Variants in ADGRD1 observed in about 807,000 individuals in gnomAD.
The protein encoded by ADGRD1 is adhesion G protein-coupled receptor D1.
A neutral mutation model predicts 113.4 loss-of-function variants in ADGRD1; 77 were observed. The ratio of observed to expected loss-of-function variants is 0.68; its 90% CI spans 0.57 to 0.82. ADGRD1 has a LOEUF of 0.82. ADGRD1 is among the 40% of genes least tolerant of loss of function. ADGRD1 has a pLI of 0.00. For missense variants in ADGRD1, 1,036 were observed against 1,139.1 expected (o/e 0.91, Z 1.30); for synonymous variants, 474 against 475.0 (o/e 1.00, Z 0.03).
At chr12:131,080,477 A>G (rs1291118109) in intron 14 of ADGRD1, among the ~76,000 whole-genome samples, 1 of 152,214 alleles carries the variant, frequency 6.6e-6, no homozygotes, top group African/African-American at 2.4e-5. Flanking sequence ...TGTCAATTAC[A>G]CCAAGTCGAT....
chr12:130,982,053 C>T lies in ADGRD1; in HGVS notation c.480C>T (p.Phe160=). ...ATTCCATGACATGGGAGGCCTCCTT[C>T]AGCCCCCCAGGTGAGTGACAGCATC... is the stretch of plus-strand genomic sequence containing the variant. ...RDNSMTWEAS[F]SPPGPYWTHV... The change falls in exon 5 of 25, where the codon TTC becomes TTT. Residue 160 remains phenylalanine, a synonymous_variant. Transcript: ENST00000261654. The T allele has an allele frequency of 1.2e-6, 2 of 1,613,302 alleles. No individual in the cohort carries two copies. Among genetic ancestry groups the T allele is most frequent in the South Asian group, 2.2e-5 (2 of 91,036 alleles).
chr12:130,961,154 C>T (rs959460600), intron 2 of ADGRD1, among the ~76,000 whole-genome samples: 1 of 151,986 alleles, frequency 6.6e-6, no homozygotes, highest in African/African-American at 2.4e-5. Flanking sequence ...TCCCTGAACG[C>T]ACACAAGGAG....
At chr12:130,978,262 T>C (rs1229294385) in intron 4 of ADGRD1, 1 of 152,056 alleles carries the variant, frequency 6.6e-6, no homozygotes, top group Non-Finnish European at 1.5e-5. Flanking sequence ...GTTACGGTAA[T>C]TTTTTTTGCC....
intron 4 of ADGRD1, among the ~76,000 whole-genome samples, chr12:130,980,307 T>C (rs925390487): frequency 2.6e-5 from 4 of 151,686 alleles, no homozygotes; most frequent in African/African-American, 9.7e-5. Flanking sequence ...GGTTTCACCA[T>C]GTTAGTAAAG....
intron 8 of ADGRD1, among the ~76,000 whole-genome samples, chr12:131,000,144 C>T (rs540407336): frequency 1.3e-5 from 2 of 152,320 alleles, no homozygotes; most frequent in African/African-American, 2.4e-5. Flanking sequence ...TTCATTCTGA[C>T]GTTCCGGTGC....
Position 131,136,121 on chromosome 12 carries a change from T to C in ADGRD1, c.2352T>C (p.Ala784=), listed in dbSNP as rs1951076582. The C allele has an allele frequency of 1.2e-6, 2 of 1,614,204 alleles. No individual in the cohort carries two copies. Among genetic ancestry groups the C allele is most frequent in the Non-Finnish European group, 8.5e-7 (1 of 1,180,036 alleles). The change falls in exon 22 of 25, where the codon GCT becomes GCC. Residue 784 remains alanine (A), a synonymous_variant. Transcript: ENST00000261654. ...GCGTGCTTGCTGTCAACGGTTGTGCTGTGGTTTTCCAGTACATGTTTGCCA... is the reference window on the plus strand; with the variant it reads ...GCGTGCTTGCTGTCAACGGTTGTGCCGTGGTTTTCCAGTACATGTTTGCCA... ...VFGVLAVNGC[A]VVFQYMFATL...
At chr12:131,053,698 G>C (rs1883605024) in intron 13 of ADGRD1, among the ~76,000 whole-genome samples, 3 of 152,196 alleles carry the variant, frequency 2.0e-5, no homozygotes, top group Admixed American at 1.3e-4. Context: ...GCGGTAGTGT[G>C]CTGCGACAAC....
intron 8 of ADGRD1, among the ~76,000 whole-genome samples, chr12:130,996,719 C>A (rs1875459447): frequency 1.0e-5 from 1 of 98,006 alleles, no homozygotes; most frequent in Non-Finnish European, 2.3e-5. Context: ...GACCCCCCCA[C>A]CACCCTCCCG....
At chr12:130,955,024 G>C (rs557887314) in intron 2 of ADGRD1, among the ~76,000 whole-genome samples, 21 of 151,496 alleles carry the variant, frequency 1.4e-4, no homozygotes, top group African/African-American at 3.6e-4. Flanking sequence ...GCCCAGGCTG[G>C]AGTGCAGTGG....
chr12:131,081,453 T>C (rs1466893931), intron 14 of ADGRD1, among the ~76,000 whole-genome samples: 2 of 152,238 alleles, frequency 1.3e-5, no homozygotes, highest in Non-Finnish European at 2.9e-5. Flanking sequence ...TCCTTTTAAC[T>C]TTTTTGATAG....
chr12:130,995,105 G>C (rs1286106732), intron 8 of ADGRD1, among the ~76,000 whole-genome samples: 2 of 152,232 alleles, frequency 1.3e-5, no homozygotes, highest in South Asian at 2.1e-4. Flanking sequence ...CCTGAACTGA[G>C]TGTGATAGGG....
rs1885663020 is a variant in ADGRD1, at chr12:131,076,880, C to T, written c.1547+6C>T. On this transcript the variant is annotated splice_donor_region_variant and intron_variant, in intron 14 of 24. Transcript: ENST00000261654. ...TGCGCCTTCCTGGACTTCAGGTACC[C>T]TCTGCACAGGGGAGAGCAGGTGGGC... 6.2e-7 allele frequency: 1 copy of T among 1,613,130 alleles called. No individual in the cohort carries two copies. Among genetic ancestry groups the T allele is most frequent in the Non-Finnish European group, 8.5e-7 (1 of 1,179,054 alleles).
Position 131,004,914 on chromosome 12 carries a change from A to G in ADGRD1, c.1255+618A>G, listed in dbSNP as rs148259228. On this transcript the variant is annotated intron_variant, in intron 11 of 24. Coordinates refer to ENST00000261654, the MANE Select transcript of ADGRD1 (RefSeq NM_198827.5). ...CCGTCACCCTCTCTGGTTCCTGGAA[A>G]AGCGAATATGACTCTGCAGACATCT... Among the ~76,000 whole-genome samples, 730 of 152,294 alleles carry G rather than the reference A, an allele frequency of 4.8e-3. 4 individuals are homozygous for G. The highest frequency in any genetic ancestry group is 0.017 in the African/African-American group (698 of 41,572).
intron 13 of ADGRD1, among the ~76,000 whole-genome samples, chr12:131,048,029 G>A (rs909622790): frequency 1.3e-5 from 2 of 152,212 alleles, no homozygotes; most frequent in African/African-American, 4.8e-5. Flanking sequence ...CGGCTCCCCT[G>A]AAGGGGGTTG....
At chr12:131,061,856 T>G (rs1884356104) in intron 13 of ADGRD1, among the ~76,000 whole-genome samples, 1 of 152,234 alleles carries the variant, frequency 6.6e-6, no homozygotes, top group Non-Finnish European at 1.5e-5. Context: ...ATTTTGTCAT[T>G]ATGACAGTGG....
Position 131,004,247 on chromosome 12 carries a change from CCA to C in ADGRD1, c.1208_1209del (p.His403ArgfsTer91). On this transcript the variant is annotated frameshift_variant, in exon 11 of 25. Coordinates refer to ENST00000261654, the MANE Select transcript of ADGRD1 (RefSeq NM_198827.5). LOFTEE classifies it high-confidence loss of function. ...ATTCCTCCCATTACCGCTTCCCGGC[CCA>C]CGGGCAGAGCTTCATCCAGATCCCC... ...VNSSHYRFPA[H>X]GQSFIQIPHE... 1 of 1,614,054 alleles carries C rather than the reference CCA, an allele frequency of 6.2e-7. No homozygotes were observed. The highest frequency in any genetic ancestry group is 8.5e-7 in the Non-Finnish European group (1 of 1,180,000).
intron 5 of ADGRD1, among the ~76,000 whole-genome samples, chr12:130,985,425 G>A (rs188629315): frequency 6.6e-6 from 1 of 152,180 alleles, no homozygotes. Context: ...GATCTAATAA[G>A]TCATCACTAA....
At chr12:130,978,741 A>C (rs774906288) in intron 4 of ADGRD1, 8 of 152,258 alleles carry the variant, frequency 5.3e-5, no homozygotes, top group African/African-American at 1.2e-4. Flanking sequence ...CTGAACAGAA[A>C]GACATTTGGC....
At chr12:131,005,862 GT>G in intron 11 of ADGRD1, 109 bp from the exon 12 acceptor site, 1 of 832,688 alleles carries the variant, frequency 1.2e-6, no homozygotes, top group East Asian at 2.6e-5. Context: ...TCCCCAGAGG[GT>G]TCTTAGGAGT....
Sources: allele counts gnomAD v4.1 joint callset (sites outside exome capture counted in the v4.1 genomes callset), GRCh38; gene constraint gnomAD v4.1.1; transcripts MANE v1.5; gene names NCBI Gene and HGNC (gene_info 2026-07-23, HGNC 2026-07-21).